The following CFAP61 variants were observed in gnomAD, a reference collection of about 807,000 sequenced individuals.
CFAP61 encodes the protein cilia and flagella associated protein 61, also known as cilia- and flagella-associated protein 61.
A neutral mutation model predicts 135.6 loss-of-function variants in CFAP61; 107 were observed. The observed-to-expected ratio is 0.79, with a 90% confidence interval of 0.67 to 0.93. The LOEUF is 0.93. CFAP61 is among the 40% of genes least tolerant of loss of function. The probability of loss-of-function intolerance (pLI) is 0.00; values close to 1 mark genes in which losing one functional copy is unlikely to be tolerated. For synonymous variants in CFAP61, 575 were observed against 578.5 expected (o/e 0.99, Z 0.09); for missense variants, 1,507 against 1,556.2 (o/e 0.97, Z 0.53).
chr20:20,210,912 G>A (rs914563011), intron 17 of CFAP61, among the ~76,000 whole-genome samples: 2 of 152,130 alleles, frequency 1.3e-5, no homozygotes, highest in African/African-American at 2.4e-5. Flanking sequence ...ATCACTTGAA[G>A]CCAGGAGTTT....
chr20:20,360,066 TTAAAAA>T lies in CFAP61; in HGVS notation c.3514-139_3514-134del, dbSNP rs2054131081. 19 of 693,382 alleles carry T rather than the reference TTAAAAA, an allele frequency of 2.7e-5. No homozygotes were observed. The South Asian group carries it at 3.3e-4, about 12-fold the overall frequency. The allele number at this position is 693,382 out of a possible 1,614,324, so 43.0% of individuals were successfully genotyped here. Reference sequence around the variant, plus strand: ...ACATGTTGTGTATACTTTGCCACAATTAAAAATAAATTTTCAAAAGCTAGAAAAAAA... The same window carrying T: ...ACATGTTGTGTATACTTTGCCACAATTAAATTTTCAAAAGCTAGAAAAAAA... On this transcript the variant is annotated intron_variant, in intron 26 of 26. Transcript: ENST00000245957.
intron 6 of CFAP61, among the ~76,000 whole-genome samples, chr20:20,083,826 G>A (rs2046604428): frequency 6.6e-6 from 1 of 152,162 alleles, no homozygotes; most frequent in Non-Finnish European, 1.5e-5. Context: ...TAGATCAGAT[G>A]TGCTTTGAAA....
intron 10 of CFAP61, 142 bp from the exon 11 acceptor site, chr20:20,163,908 C>T: frequency 1.8e-6 from 1 of 551,860 alleles, no homozygotes. Context: ...TAAAACCAGG[C>T]CTGGCCCAGG....
At chr20:20,188,218 C>T (rs2055654600) in intron 14 of CFAP61, among the ~76,000 whole-genome samples, 162 bp downstream of exon 14, 1 of 152,152 alleles carries the variant, frequency 6.6e-6, no homozygotes, top group East Asian at 1.9e-4. Flanking sequence ...ACTGTGGAGA[C>T]TGGGGCTTGA....
At chr20:20,229,976 C>A (rs935083602) in intron 18 of CFAP61, among the ~76,000 whole-genome samples, 1 of 152,100 alleles carries the variant, frequency 6.6e-6, no homozygotes, top group Non-Finnish European at 1.5e-5. Context: ...TTTTATGCAA[C>A]CATTTTCGAA....
intron 26 of CFAP61, among the ~76,000 whole-genome samples, chr20:20,344,157 G>A (rs1408287042): frequency 6.6e-6 from 1 of 152,264 alleles, no homozygotes; most frequent in Non-Finnish European, 1.5e-5. Flanking sequence ...GCCTAGCTCA[G>A]CTGGACTATG....
intron 8 of CFAP61, among the ~76,000 whole-genome samples, chr20:20,108,267 C>A (rs1423237119): frequency 6.6e-6 from 1 of 152,112 alleles, no homozygotes; most frequent in African/African-American, 2.4e-5. Flanking sequence ...TGTTCATGTT[C>A]TTTGACTTCA....
chr20:20,169,275 A>T, intron 12 of CFAP61, 46 bp from the exon 13 acceptor site: 1 of 1,549,376 alleles, frequency 6.5e-7, no homozygotes, highest in Admixed American at 1.8e-5. Context: ...TTTTTTGATT[A>T]ATTTTTTTTA....
At chr20:20,233,111 A>C (rs940515212) in intron 18 of CFAP61, among the ~76,000 whole-genome samples, 1 of 152,232 alleles carries the variant, frequency 6.6e-6, no homozygotes, top group Non-Finnish European at 1.5e-5. Context: ...CAATGACCAC[A>C]ACTCCTGTTA....
chr20:20,347,838 C>CA (rs1353264478), intron 26 of CFAP61, among the ~76,000 whole-genome samples: 1 of 148,268 alleles, frequency 6.7e-6, no homozygotes, highest in East Asian at 2.0e-4. Context: ...GAGGCTGAGG[C>CA]AGGAGAATTG....
chr20:20,336,625 T>TA (rs35891459), intron 25 of CFAP61, among the ~76,000 whole-genome samples: 2,871 of 146,130 alleles, frequency 0.02, 89 homozygotes, highest in African/African-American at 0.067. Context: ...AACCTGTCTC[T>TA]AAAAAAAAAA....
intron 25 of CFAP61, among the ~76,000 whole-genome samples, chr20:20,301,816 G>T (rs2056131578): frequency 6.6e-6 from 1 of 152,094 alleles, no homozygotes; most frequent in African/African-American, 2.4e-5. Flanking sequence ...CTTTCTTTAT[G>T]ATGTCAACAA....
In CFAP61 at chr20:20,133,615, C is replaced by T. The variant is rs1569768; in HGVS notation, c.860-9242C>T. On this transcript the variant is annotated intron_variant, in intron 8 of 26. Coordinates refer to ENST00000245957, the MANE Select transcript of CFAP61 (RefSeq NM_015585.4). ...GTCATCATTGCAACCCATGTTCACACACAAAAAGAAGAATGCTGATGACTT... is the reference window on the plus strand; with the variant it reads ...GTCATCATTGCAACCCATGTTCACATACAAAAAGAAGAATGCTGATGACTT... Among the ~76,000 whole-genome samples, 805 of 152,322 alleles carry T rather than the reference C, an allele frequency of 5.3e-3. 11 individuals are homozygous for T. The highest frequency in any genetic ancestry group is 0.036 in the Admixed American group (552 of 15,292).
chr20:20,146,260 A>G (rs2051875009), intron 9 of CFAP61, among the ~76,000 whole-genome samples: 1 of 152,230 alleles, frequency 6.6e-6, no homozygotes, highest in Non-Finnish European at 1.5e-5. Context: ...CAACTGGATG[A>G]ACTAATGAGT....
rs59389638 is a variant in CFAP61, at chr20:20,351,574, G to GAA, written c.3514-8624_3514-8623dup. On this transcript the variant is annotated intron_variant, in intron 26 of 26. Transcript: ENST00000245957. Reference sequence around the variant, plus strand: ...TCCAGTCTGAGCGAGACTCTGTCTCGAAAAAAAAAAAAATGTTTATATACA... The same window carrying GAA: ...TCCAGTCTGAGCGAGACTCTGTCTCGAAAAAAAAAAAAAAATGTTTATATACA... Among the ~76,000 whole-genome samples, 431 of 142,738 alleles carry GAA rather than the reference G, an allele frequency of 3.0e-3. 1 individual carries two copies. Among genetic ancestry groups the GAA allele is most frequent in the East Asian group, 0.013 (65 of 4,930 alleles). 93.6% of individuals were successfully genotyped at this position (142,738 alleles called of 152,430 possible). A position where few individuals can be genotyped will look rare whatever the true frequency, so the allele number is the denominator to read the frequency against.
At chr20:20,096,145 C>T (rs2047550548) in intron 7 of CFAP61, among the ~76,000 whole-genome samples, 1 of 152,058 alleles carries the variant, frequency 6.6e-6, no homozygotes, top group South Asian at 2.1e-4. Context: ...GTTAAAAAGT[C>T]CATTAAATCC....
chr20:20,262,164 A>G (rs2052294469), intron 20 of CFAP61, among the ~76,000 whole-genome samples: 1 of 152,190 alleles, frequency 6.6e-6, no homozygotes, highest in Non-Finnish European at 1.5e-5. Flanking sequence ...GTCCTCTTCC[A>G]GAGCCTTGCC....
intron 1 of CFAP61, among the ~76,000 whole-genome samples, 190 bp from the exon 2 acceptor site, chr20:20,056,402 GCAGAAACTTCTAAACAGGCCAGTTCT>G (rs2044338036): frequency 6.6e-6 from 1 of 152,136 alleles, no homozygotes; most frequent in Non-Finnish European, 1.5e-5. Context: ...GAATATAGTT[GCAGAAACTTCTAAACAGGCCAGTTCT>G]CAGAAACTTC....
intron 7 of CFAP61, among the ~76,000 whole-genome samples, chr20:20,093,219 C>T (rs1282742762): frequency 6.6e-6 from 1 of 151,934 alleles, no homozygotes; most frequent in Non-Finnish European, 1.5e-5. Context: ...TCATAAAGAC[C>T]ACGTATTGTA....
Sources: gnomAD v4.1 joint callset for allele counts (sites outside exome capture counted in the v4.1 genomes callset) on GRCh38, gnomAD v4.1.1 for gene constraint, MANE v1.5 for transcripts, NCBI Gene and HGNC (gene_info 2026-07-23, HGNC 2026-07-21) for gene names.